PCLO: variants seen among roughly 807,000 people sequenced by gnomAD.
PCLO encodes piccolo presynaptic cytomatrix protein.
PCLO carries 82 observed loss-of-function variants against 427.5 expected under a neutral mutation model. The ratio of observed to expected loss-of-function variants is 0.19; its 90% CI spans 0.16 to 0.23. PCLO has a LOEUF of 0.23. Among genes scored for constraint, PCLO ranks in the 10% least tolerant of loss-of-function variants. The pLI is 1.00. For missense variants in PCLO, 6,239 were observed against 6,115.9 expected, an observed-to-expected ratio of 1.02 and a Z score of -0.67; for synonymous variants, 2,357 against 2,155.4, an observed-to-expected ratio of 1.09 and a Z score of -2.59.
chr7:82,768,653 A>G (rs1050807884), intron 22 of PCLO, among the ~76,000 whole-genome samples: 5 of 152,056 alleles, frequency 3.3e-5, no homozygotes, highest in South Asian at 2.1e-4. Context: ...CTTTCTCTTT[A>G]GCTAAAGTGT....
chr7:83,048,987 A>G (rs1789169255), intron 3 of PCLO, among the ~76,000 whole-genome samples: 1 of 152,152 alleles, frequency 6.6e-6, no homozygotes, highest in South Asian at 2.1e-4. Context: ...AAGTTATTAG[A>G]ACAGATTGCT....
At chr7:82,759,087 CAAATA>C (rs1374535934) in intron 24 of PCLO, among the ~76,000 whole-genome samples, 1 of 151,814 alleles carries the variant, frequency 6.6e-6, no homozygotes, top group East Asian at 1.9e-4. Context: ...AAATCCAAAT[CAAATA>C]AAAGATTATC....
At chr7:82,909,708 T>C (rs1223675856) in intron 7 of PCLO, among the ~76,000 whole-genome samples, 2 of 152,132 alleles carry the variant, frequency 1.3e-5, no homozygotes, top group Admixed American at 1.3e-4. Flanking sequence ...AGAGAATTCT[T>C]GTGTTATTGT....
At chr7:82,976,013 G>A (rs554716565) in intron 3 of PCLO, among the ~76,000 whole-genome samples, 16 of 152,300 alleles carry the variant, frequency 1.1e-4, no homozygotes, top group Non-Finnish European at 2.1e-4. Context: ...GTTCTTCATA[G>A]CAGTGTGAAA....
At chr7:83,028,407 G>A (rs1788562961) in intron 3 of PCLO, among the ~76,000 whole-genome samples, 1 of 146,422 alleles carries the variant, frequency 6.8e-6, no homozygotes, top group Non-Finnish European at 1.5e-5. Context: ...CAAGGGATGT[G>A]AAGGACCTCT....
intron 3 of PCLO, among the ~76,000 whole-genome samples, chr7:83,118,375 A>G (rs1356009625): frequency 1.3e-5 from 2 of 152,162 alleles, no homozygotes; most frequent in Non-Finnish European, 2.9e-5. Flanking sequence ...CATCTTCGTA[A>G]GAGCCAAAAA....
At chr7:83,068,970 A>C (rs1789739367) in intron 3 of PCLO, among the ~76,000 whole-genome samples, 1 of 152,210 alleles carries the variant, frequency 6.6e-6, no homozygotes, top group East Asian at 1.9e-4. Flanking sequence ...AAAGAAAGAC[A>C]AGTATTATAT....
At chr7:82,822,741 A>T (rs375424840) in intron 19 of PCLO, 52 bp from the exon 20 acceptor site, 1 of 1,513,836 alleles carries the variant, frequency 6.6e-7, no homozygotes, top group Non-Finnish European at 9.1e-7. Context: ...CATTCCTCCT[A>T]TCAAGCTTGG....
At chr7:82,942,440 AAC>A (rs1482248614) in intron 6 of PCLO, among the ~76,000 whole-genome samples, 3 of 152,316 alleles carry the variant, frequency 2.0e-5, no homozygotes, top group African/African-American at 7.2e-5. Context: ...TGGAAAGGGT[AAC>A]ACAAATGATT....
chr7:82,801,719 A>G, intron 21 of PCLO, 128 bp from the exon 22 acceptor site: 1 of 608,010 alleles, frequency 1.6e-6, no homozygotes, highest in Non-Finnish European at 2.9e-6. Context: ...GCACAACCGA[A>G]TATTTTTGGA....
intron 16 of PCLO, among the ~76,000 whole-genome samples, chr7:82,833,599 G>A (rs1402455706): frequency 2.0e-5 from 3 of 151,848 alleles, no homozygotes; most frequent in Admixed American, 6.6e-5. Context: ...AATGAAAGAT[G>A]TATTACATTT....
At chr7:82,958,619 A>G (rs1466691566) in intron 4 of PCLO, among the ~76,000 whole-genome samples, 2 of 152,170 alleles carry the variant, frequency 1.3e-5, no homozygotes, top group African/African-American at 4.8e-5. Context: ...TGCAAAAACT[A>G]ATGCCTACTC....
intron 3 of PCLO, among the ~76,000 whole-genome samples, chr7:83,133,911 G>C (rs998143534): frequency 6.6e-6 from 1 of 151,544 alleles, no homozygotes; most frequent in African/African-American, 2.4e-5. Context: ...CTTTTATCTG[G>C]AGTTTACACG....
rs1178937651 is a variant in PCLO, at chr7:82,827,853, T to G, written c.14343+20A>C. The G allele has an allele frequency of 2.3e-6, 3 of 1,318,554 alleles. No homozygotes were observed. The highest frequency in any genetic ancestry group is 2.9e-5 in the African/African-American group (2 of 69,248). The allele number at this position is 1,318,554 out of a possible 1,614,324, so 81.7% of individuals were successfully genotyped here. ...CTTATATTAGCCTAATTCTGTCACC[T>G]AGAAATAATCTTGACATACCTGTTC... On this transcript the variant is annotated intron_variant, in intron 17 of 24. Transcript: ENST00000333891.
intron 10 of PCLO, among the ~76,000 whole-genome samples, chr7:82,865,037 G>A (rs1223084605): frequency 6.6e-6 from 1 of 152,070 alleles, no homozygotes; most frequent in African/African-American, 2.4e-5. Context: ...TAAATAAAGT[G>A]ATATTGATAC....
chr7:82,872,295 A>C (rs1481069433), intron 10 of PCLO, among the ~76,000 whole-genome samples: 1 of 152,096 alleles, frequency 6.6e-6, no homozygotes, highest in Non-Finnish European at 1.5e-5. Flanking sequence ...AAGAACAGGC[A>C]AAAAGACGAG....
chr7:82,849,748 T>C (rs892247245), intron 10 of PCLO, among the ~76,000 whole-genome samples: 1 of 152,122 alleles, frequency 6.6e-6, no homozygotes, highest in Non-Finnish European at 1.5e-5. Flanking sequence ...TATTATGATC[T>C]GTGGATGTTC....
chr7:82,978,802 A>G (rs1562895979), intron 3 of PCLO, among the ~76,000 whole-genome samples: 1 of 151,612 alleles, frequency 6.6e-6, no homozygotes, highest in Non-Finnish European at 1.5e-5. Flanking sequence ...TTTGGAAAAC[A>G]AAGAAAAATG....
At chr7:83,138,248 A>T (rs1249874465) in intron 2 of PCLO, among the ~76,000 whole-genome samples, 1 of 152,250 alleles carries the variant, frequency 6.6e-6, no homozygotes, top group East Asian at 1.9e-4. Context: ...TTTCATTACC[A>T]TTAATTGCTT....
Sources: allele counts gnomAD v4.1 joint callset (sites outside exome capture counted in the v4.1 genomes callset), GRCh38; gene constraint gnomAD v4.1.1; transcripts MANE v1.5; gene names NCBI Gene and HGNC (gene_info 2026-07-23, HGNC 2026-07-21).